Variants in CCNE1 observed in about 807,000 individuals in gnomAD.
The protein encoded by CCNE1 is cyclin E1.
In CCNE1, 8 loss-of-function variants were observed where a neutral mutation model predicts 54.1. The observed-to-expected ratio is 0.15, with a 90% CI of 0.09 to 0.27. The LOEUF is 0.27. CCNE1 is among the 10% of genes least tolerant of loss of function. The probability of loss-of-function intolerance (pLI) is 1.00; values close to 1 mark genes in which losing one functional copy is unlikely to be tolerated. For synonymous variants in CCNE1, 179 were observed against 185.2 expected (o/e 0.97, Z 0.27); for missense variants, 430 against 514.9 (o/e 0.84, Z 1.60).
intron 6 of CCNE1, 67 bp from the exon 7 acceptor site, chr19:29,820,635 G>GT (rs5827672): frequency 0.32 from 287,525 of 905,232 alleles, 13,322 homozygotes; most frequent in East Asian, 0.41. Context: ...GTCATTACAA[G>GT]TTTTTTTTTT....
At chr19:29,815,783 C>T (rs1974001593) in intron 4 of CCNE1, among the ~76,000 whole-genome samples, 1 of 151,562 alleles carries the variant, frequency 6.6e-6, no homozygotes, top group African/African-American at 2.4e-5. Context: ...CGCCCGCTAC[C>T]ACACCCGGCT....
At chr19:29,820,680 A>T (rs1277166357) in intron 6 of CCNE1, 22 bp from the exon 7 acceptor site, 1 of 1,583,014 alleles carries the variant, frequency 6.3e-7, no homozygotes, top group Admixed American at 1.8e-5. Context: ...CTTGTGCTAA[A>T]ACTTACTAAA....
chr19:29,821,948 A>T (rs1006896577), intron 8 of CCNE1, 48 bp from the exon 9 acceptor site: 2 of 1,587,768 alleles, frequency 1.3e-6, no homozygotes, highest in Non-Finnish European at 1.7e-6. Flanking sequence ...CTGCATTTTG[A>T]ACTTCTTTTC....
At chr19:29,819,239 C>T (rs111554401) in intron 6 of CCNE1, among the ~76,000 whole-genome samples, 115 of 151,872 alleles carry the variant, frequency 7.6e-4, no homozygotes, top group Non-Finnish European at 1.3e-3. Flanking sequence ...GAGACTCTGT[C>T]TCAATTTTTT....
chr19:29,823,353 G>A (rs1421956448), intron 11 of CCNE1, among the ~76,000 whole-genome samples: 5 of 152,084 alleles, frequency 3.3e-5, no homozygotes, highest in Admixed American at 3.3e-4. Flanking sequence ...AGACTAGCCA[G>A]GCCAAAATGG....
chr19:29,813,623 C>T (rs1883895340), intron 4 of CCNE1, among the ~76,000 whole-genome samples: 1 of 152,188 alleles, frequency 6.6e-6, no homozygotes, highest in South Asian at 2.1e-4. Flanking sequence ...CTCAGCCTGA[C>T]CTCAGCAAGA....
intron 4 of CCNE1, among the ~76,000 whole-genome samples, chr19:29,813,710 T>A (rs1331671138): frequency 2.0e-5 from 3 of 152,200 alleles, no homozygotes; most frequent in Admixed American, 2.0e-4. Context: ...TTTTCTCTCC[T>A]TAAGGAGTTC....
intron 6 of CCNE1, 29 bp downstream of exon 6, chr19:29,817,570 T>C: frequency 6.2e-7 from 1 of 1,613,870 alleles, no homozygotes; most frequent in South Asian, 1.1e-5. Flanking sequence ...GTTCGCTTCA[T>C]GAAAGCACTG....
At position 29,820,833 on chromosome 19, in the gene CCNE1, T is replaced by G. The variant is rs2145727045; in HGVS notation, c.594T>G (p.Ile198Met). 1 of 1,597,142 alleles carries G rather than the reference T, an allele frequency of 6.3e-7. No individual in the cohort carries two copies. Among genetic ancestry groups the G allele is most frequent in the East Asian group, 2.2e-5 (1 of 44,802 alleles). ...LQLIGISSLF[I>M]AAKLEEIYPP... The stretch of plus-strand genomic sequence containing the variant: ...TTATTGGGATTTCATCTTTATTTAT[T>G]GCAGCCAAACTTGAGGTAAATAATT... The change falls in exon 7 of 12, where the codon ATT becomes ATG. Residue 198 changes from isoleucine to methionine, a missense_variant. Around this residue, in one of 2 missense-constraint regions of CCNE1, gnomAD observed 303 missense variants for 401.1 expected, o/e 0.76. Coordinates refer to ENST00000262643, the MANE Select transcript of CCNE1 (RefSeq NM_001238.4).
At chr19:29,817,857 C>CTTTTTTTTT (rs34598025) in intron 6 of CCNE1, among the ~76,000 whole-genome samples, 22 of 95,908 alleles carry the variant, frequency 2.3e-4, no homozygotes, top group South Asian at 4.2e-4. Context: ...CATTAAATTG[C>CTTTTTTTTT]TTTTTTTTTT....
At position 29,823,788 on chromosome 19, in the gene CCNE1, C is replaced by G; in HGVS notation, c.*11C>G. Reference sequence around the variant, plus strand: ...CCGGAAATGGCGTGACCACCCCATCCTTCTCCACCAAAGACAGTTGCGCGC... The same window carrying G: ...CCGGAAATGGCGTGACCACCCCATCGTTCTCCACCAAAGACAGTTGCGCGC... On this transcript the variant is annotated 3_prime_UTR_variant, in exon 12 of 12. Coordinates refer to ENST00000262643, the MANE Select transcript of CCNE1 (RefSeq NM_001238.4). 2 of 1,605,384 alleles carry G rather than the reference C, an allele frequency of 1.2e-6. No homozygotes were observed. The highest frequency in any genetic ancestry group is 1.7e-6 in the Non-Finnish European group (2 of 1,175,726).
chr19:29,823,467 T>C (rs538564947), intron 11 of CCNE1, among the ~76,000 whole-genome samples, 188 bp from the exon 12 acceptor site: 4 of 152,046 alleles, frequency 2.6e-5, no homozygotes, highest in Admixed American at 2.0e-4. Context: ...GAGAATCGGT[T>C]GAACCCTGGA....
At chr19:29,821,069 C>A (rs897089834) in intron 7 of CCNE1, among the ~76,000 whole-genome samples, 1 of 151,600 alleles carries the variant, frequency 6.6e-6, no homozygotes, top group Non-Finnish European at 1.5e-5. Context: ...CATGTAGTTA[C>A]ATTGAGCCAA....
rs1230899340 is a variant in CCNE1 at position 29,823,809 on chromosome 19, C to T, written c.*32C>T. ...CATCCTTCTCCACCAAAGACAGTTG[C>T]GCGCCTGCTCCACGTTCTCTTCTGT... On this transcript the variant is annotated 3_prime_UTR_variant, in exon 12 of 12. Transcript: ENST00000262643. The T allele has an allele frequency of 5.1e-6, 8 of 1,581,050 alleles. No individual in the cohort carries two copies. Among genetic ancestry groups the T allele is most frequent in the East Asian group, 2.3e-5 (1 of 44,002 alleles).
intron 4 of CCNE1, chr19:29,813,381 C>A: frequency 7.9e-6 from 2 of 251,632 alleles, no homozygotes; most frequent in Non-Finnish European, 1.5e-5. Context: ...GAGTCCTGTG[C>A]CATCCAGGGG....
At chr19:29,813,748 T>C (rs757608747) in intron 4 of CCNE1, among the ~76,000 whole-genome samples, 105 of 152,178 alleles carry the variant, frequency 6.9e-4, no homozygotes, top group Non-Finnish European at 1.4e-3. Context: ...TGCAGTGTGA[T>C]AATCATTATA....
In CCNE1 at chr19:29,822,537, C is replaced by T. The variant is rs760662828; in HGVS notation, c.1044C>T (p.His348=). The T allele has an allele frequency of 6.2e-7, 1 of 1,613,990 alleles. No individual in the cohort carries two copies. Among genetic ancestry groups the T allele is most frequent in the Non-Finnish European group, 8.5e-7 (1 of 1,180,032 alleles). The change falls in exon 11 of 12, where the codon CAC becomes CAT. Residue 348 remains histidine, a synonymous_variant. Coordinates refer to ENST00000262643, the MANE Select transcript of CCNE1 (RefSeq NM_001238.4). Reference sequence around the variant, plus strand: ...AGACGGGGAGCTCAAAACTGAAGCACTTCAGGGGCGTCGCTGATGAAGATG... The same window carrying T: ...AGACGGGGAGCTCAAAACTGAAGCATTTCAGGGGCGTCGCTGATGAAGATG... The part of the protein sequence containing the change: ...IRETGSSKLK[H]FRGVADEDAH...
chr19:29,820,102 AC>A (rs1974114195), intron 6 of CCNE1, among the ~76,000 whole-genome samples: 1 of 152,180 alleles, frequency 6.6e-6, no homozygotes, highest in South Asian at 2.1e-4. Flanking sequence ...GAACACCAGC[AC>A]TGCTGTGCTG....
intron 6 of CCNE1, among the ~76,000 whole-genome samples, chr19:29,820,465 C>T (rs3218059): frequency 0.014 from 2,197 of 151,836 alleles, 115 homozygotes; most frequent in East Asian, 0.13. Context: ...GCAAGAGAAT[C>T]GCTTGAGCCT....
Sources: gnomAD v4.1 joint callset for allele counts (sites outside exome capture counted in the v4.1 genomes callset) on GRCh38, gnomAD v4.1.1 for gene constraint, gnomAD v4.1.1 regional missense constraint, MANE v1.5 for transcripts, NCBI Gene and HGNC (gene_info 2026-07-23, HGNC 2026-07-21) for gene names.